Variants in GNB5 observed in about 807,000 individuals in gnomAD.
The protein encoded by GNB5 is guanine nucleotide-binding protein subunit beta-5.
In GNB5, 37 loss-of-function variants were observed where a neutral mutation model predicts 55.3. The observed-to-expected ratio is 0.67, with a 90% CI of 0.51 to 0.88. GNB5 has a LOEUF of 0.88. Among genes scored for constraint, GNB5 ranks in the 40% least tolerant of loss-of-function variants. The probability of loss-of-function intolerance (pLI) is 0.00; values close to 1 mark genes in which losing one functional copy is unlikely to be tolerated. For synonymous variants in GNB5, 219 were observed against 198.5 expected, an observed-to-expected ratio of 1.10 and a Z score of -0.87; for missense variants, 476 against 515.3, an observed-to-expected ratio of 0.92 and a Z score of 0.74.
Position 52,147,534 on chromosome 15 carries a change from T to C in GNB5, c.419A>G (p.Glu140Gly). 6.4e-7 allele frequency: 1 copy of C among 1,571,150 alleles called. No homozygotes were observed. The highest frequency in any genetic ancestry group is 8.7e-7 in the Non-Finnish European group (1 of 1,146,768). The change falls in exon 6 of 13, where the codon GAG becomes GGG. Residue 140 changes from glutamate (E) to glycine (G), a missense_variant and splice_region_variant. By Grantham distance (98) the Glu-to-Gly change is moderately conservative (BLOSUM62 -2). Coordinates refer to ENST00000261837, the MANE Select transcript of GNB5 (RefSeq NM_016194.4). ...IVWDSFTTNK[E>G]HAVTMPCTWV... ...CGTGCAGGGCATGGTGACCGCGTGC[T>C]CCTGAAACACAGCACAGAGTGAACA... is the stretch of plus-strand genomic sequence containing the variant.
At chr15:52,126,954 G>A (rs1374825174) in intron 10 of GNB5, among the ~76,000 whole-genome samples, 1 of 152,046 alleles carries the variant, frequency 6.6e-6, no homozygotes, top group Non-Finnish European at 1.5e-5. Flanking sequence ...CCGCCACCAC[G>A]CCTGGCTAAT....
intron 7 of GNB5, 44 bp downstream of exon 7, chr15:52,141,096 T>C (rs749629998): frequency 1.3e-6 from 2 of 1,597,176 alleles, no homozygotes; most frequent in Non-Finnish European, 1.7e-6. Flanking sequence ...TCCTCTTTAG[T>C]GCTCCTTGGC....
At chr15:52,160,937 T>C (rs2034318881) in intron 3 of GNB5, among the ~76,000 whole-genome samples, 1 of 152,200 alleles carries the variant, frequency 6.6e-6, no homozygotes, top group Non-Finnish European at 1.5e-5. Flanking sequence ...TCTCCTTAGA[T>C]AAATTTCAAT....
chr15:52,144,734 C>G (rs2033932885), intron 6 of GNB5, among the ~76,000 whole-genome samples: 1 of 152,126 alleles, frequency 6.6e-6, no homozygotes, highest in Admixed American at 6.5e-5. Flanking sequence ...TAAAGGTAAA[C>G]CACACAGGCA....
chr15:52,166,896 C>T (rs1401228499), intron 3 of GNB5, among the ~76,000 whole-genome samples: 1 of 151,948 alleles, frequency 6.6e-6, no homozygotes, highest in Non-Finnish European at 1.5e-5. Context: ...AATCCAGGAG[C>T]TGGTTTTTTG....
intron 3 of GNB5, among the ~76,000 whole-genome samples, chr15:52,168,777 G>A (rs1043392100): frequency 5.3e-5 from 8 of 152,076 alleles, no homozygotes; most frequent in African/African-American, 1.4e-4. Context: ...CAGACACACA[G>A]ACCAATGGAA....
intron 6 of GNB5, among the ~76,000 whole-genome samples, chr15:52,146,151 G>A (rs1566939321): frequency 6.6e-6 from 1 of 151,950 alleles, no homozygotes; most frequent in Non-Finnish European, 1.5e-5. Context: ...TAGAGACGGG[G>A]TTTCACCATG....
intron 3 of GNB5, among the ~76,000 whole-genome samples, chr15:52,166,126 C>T (rs981836060): frequency 2.0e-5 from 3 of 152,140 alleles, no homozygotes; most frequent in Admixed American, 6.5e-5. Flanking sequence ...GTGTTCAATT[C>T]AACAAGAAGA....
chr15:52,134,395 C>A (rs2033649129), intron 8 of GNB5, among the ~76,000 whole-genome samples: 1 of 152,140 alleles, frequency 6.6e-6, no homozygotes, highest in African/African-American at 2.4e-5. Context: ...CTGAGGAAGG[C>A]CCGCTGTGGG....
At chr15:52,168,240 T>C (rs2034488562) in intron 3 of GNB5, among the ~76,000 whole-genome samples, 1 of 152,164 alleles carries the variant, frequency 6.6e-6, no homozygotes, top group South Asian at 2.1e-4. Flanking sequence ...AGATCCTATA[T>C]CTAGAAAACC....
rs2033166290 is a variant in GNB5, at chr15:52,117,211, T to C, written c.*5546A>G. On this transcript the variant is annotated 3_prime_UTR_variant, in exon 13 of 13. Coordinates refer to ENST00000261837, the MANE Select transcript of GNB5 (RefSeq NM_016194.4). ...TCCCAAAGTGCTGGGATTACAGGCG[T>C]GAGCCACCGCGCCCAGTCACCTTTG... 1 of 150,842 alleles carries C rather than the reference T, an allele frequency of 6.6e-6. No homozygotes were observed. Among genetic ancestry groups the C allele is most frequent in the Non-Finnish European group, 1.5e-5 (1 of 67,848 alleles). 9.3% of individuals were successfully genotyped at this position (150,842 alleles called of 1,614,324 possible). A position where few individuals can be genotyped will look rare whatever the true frequency, so the allele number is the denominator to read the frequency against.
chr15:52,154,377 A>C lies in GNB5; in HGVS notation c.239-301T>G, dbSNP rs76687921. 0.022 allele frequency among the ~76,000 whole-genome samples: 3,319 copies of C among 152,306 alleles called. 116 individuals carry two copies. The highest frequency in any genetic ancestry group is 0.076 in the African/African-American group (3,169 of 41,538). ...AACAACAAGACCACCTCATATTCAT[A>C]AAGCACTACATAAAATTATTCCCTT... On this transcript the variant is annotated intron_variant, in intron 3 of 12. Coordinates refer to ENST00000261837, the MANE Select transcript of GNB5 (RefSeq NM_016194.4).
At chr15:52,136,312 A>C (rs1039763569) in intron 7 of GNB5, among the ~76,000 whole-genome samples, 1 of 152,124 alleles carries the variant, frequency 6.6e-6, no homozygotes, top group Non-Finnish European at 1.5e-5. Flanking sequence ...TGGCGGCCTC[A>C]TGGTGGTACC....
intron 3 of GNB5, among the ~76,000 whole-genome samples, chr15:52,165,404 T>C (rs1195594593): frequency 6.6e-6 from 1 of 151,978 alleles, no homozygotes; most frequent in Non-Finnish European, 1.5e-5. Flanking sequence ...CCAAGACACA[T>C]AATCATCAGA....
intron 2 of GNB5, among the ~76,000 whole-genome samples, chr15:52,183,232 GA>G (rs1214271688): frequency 6.6e-6 from 1 of 150,998 alleles, no homozygotes; most frequent in Non-Finnish European, 1.5e-5. Flanking sequence ...GTGCTAGGGA[GA>G]ACCTGTGTGC....
intron 3 of GNB5, among the ~76,000 whole-genome samples, chr15:52,174,039 G>C (rs183795997): frequency 1.4e-4 from 22 of 152,292 alleles, no homozygotes; most frequent in Non-Finnish European, 2.5e-4. Flanking sequence ...TTATCCAGGT[G>C]GGCCCAACAT....
intron 1 of GNB5, among the ~76,000 whole-genome samples, chr15:52,187,247 T>A (rs190415438): frequency 2.2e-3 from 337 of 152,242 alleles, no homozygotes; most frequent in Non-Finnish European, 4.1e-3. Flanking sequence ...AGTAACAAGG[T>A]TGGGCTGAAC....
intron 9 of GNB5, among the ~76,000 whole-genome samples, chr15:52,132,710 C>G (rs972753956): frequency 6.6e-6 from 1 of 150,528 alleles, no homozygotes. Context: ...TGGGCTCAAG[C>G]AATCTGCCCG....
chr15:52,122,859 C>T, intron 12 of GNB5, 91 bp from the exon 13 acceptor site: 2 of 905,768 alleles, frequency 2.2e-6, no homozygotes, highest in South Asian at 1.3e-5. Flanking sequence ...TCTATTCACA[C>T]ACATGCATGG....
Sources: gnomAD v4.1 joint callset for allele counts (sites outside exome capture counted in the v4.1 genomes callset) on GRCh38, gnomAD v4.1.1 for gene constraint, MANE v1.5 for transcripts, NCBI Gene and HGNC (gene_info 2026-07-23, HGNC 2026-07-21) for gene names.